The following CHRM2 variants were observed in gnomAD, a reference collection of about 807,000 sequenced individuals.
CHRM2 encodes the protein cholinergic receptor muscarinic 2.
CHRM2 carries 8 observed loss-of-function variants against 25.0 expected under a neutral mutation model. The ratio of observed to expected loss-of-function variants is 0.32; its 90% CI spans 0.19 to 0.58. CHRM2 has a LOEUF of 0.58. CHRM2 is among the 20% of genes least tolerant of loss of function. CHRM2 has a pLI of 0.88. For missense variants in CHRM2, 440 were observed against 567.1 expected, an observed-to-expected ratio of 0.78 and a Z score of 2.28; for synonymous variants, 202 against 205.7, an observed-to-expected ratio of 0.98 and a Z score of 0.15.
chr7:136,983,534 GC>G (rs1584874814), intron 2 of CHRM2, among the ~76,000 whole-genome samples: 2 of 152,164 alleles, frequency 1.3e-5, no homozygotes, highest in African/African-American at 4.8e-5. Context: ...GGAATGTTCA[GC>G]CTTTTTGCAC....
intron 2 of CHRM2, among the ~76,000 whole-genome samples, chr7:136,983,706 C>T (rs324621): frequency 0.022 from 3,360 of 152,226 alleles, 124 homozygotes; most frequent in African/African-American, 0.077. Flanking sequence ...TCTGCATGTC[C>T]GCTGGAGTTT....
chr7:136,991,106 G>A (rs1475694312), intron 2 of CHRM2, among the ~76,000 whole-genome samples: 1 of 152,032 alleles, frequency 6.6e-6, no homozygotes, highest in Non-Finnish European at 1.5e-5. Flanking sequence ...TCTTCACATT[G>A]TCATTCACAG....
chr7:136,896,117 C>T (rs1168279271), intron 2 of CHRM2, among the ~76,000 whole-genome samples: 1 of 151,700 alleles, frequency 6.6e-6, no homozygotes, highest in Admixed American at 6.6e-5. Flanking sequence ...ACTTTTTTTT[C>T]TAAAAGAAAA....
chr7:136,948,149 G>A (rs927371398), intron 2 of CHRM2, among the ~76,000 whole-genome samples: 4 of 152,056 alleles, frequency 2.6e-5, no homozygotes, highest in Non-Finnish European at 4.4e-5. Flanking sequence ...AAGAGCCAGT[G>A]GCCCACATCC....
intron 2 of CHRM2, among the ~76,000 whole-genome samples, chr7:136,991,795 T>C (rs1349533132): frequency 6.6e-6 from 1 of 152,154 alleles, no homozygotes; most frequent in Non-Finnish European, 1.5e-5. Context: ...ACTTAGCAAA[T>C]ATACTCTTTG....
chr7:137,015,056 G>A lies in CHRM2; in HGVS notation c.191G>A (p.Ser64Asn). 6.2e-7 allele frequency: 1 copy of A among 1,613,342 alleles called. No homozygotes were observed. Among genetic ancestry groups the A allele is most frequent in the Non-Finnish European group, 8.5e-7 (1 of 1,179,588 alleles). The change falls in exon 4 of 4, where the codon AGC becomes AAC. Residue 64 changes from serine (S) to asparagine (N), a missense_variant. Coordinates refer to ENST00000680005, the MANE Select transcript of CHRM2 (RefSeq NM_001006630.2). This position sits in a 1 kb window ranked among gnomAD's most constrained non-coding sequence, Gnocchi z 5.1. ...ACCGTCAACAATTACTTTTTATTCA[G>A]CTTGGCCTGTGCTGACCTTATCATA... Reference protein sequence around the residue: ...LQTVNNYFLFSLACADLIIGV... With the variant: ...LQTVNNYFLFNLACADLIIGV...
At chr7:136,915,207 G>A (rs1219216813) in intron 2 of CHRM2, among the ~76,000 whole-genome samples, 1 of 151,742 alleles carries the variant, frequency 6.6e-6, no homozygotes, top group African/African-American at 2.4e-5. Flanking sequence ...ATACTTAAGG[G>A]AAAGGCAACT....
chr7:137,009,706 T>C (rs1804679272), intron 3 of CHRM2, among the ~76,000 whole-genome samples: 1 of 152,068 alleles, frequency 6.6e-6, no homozygotes, highest in Admixed American at 6.6e-5. Context: ...AGTAGCTTAA[T>C]TATTTGATAT....
At chr7:136,951,256 C>T (rs907998785) in intron 2 of CHRM2, among the ~76,000 whole-genome samples, 1 of 152,106 alleles carries the variant, frequency 6.6e-6, no homozygotes, top group Non-Finnish European at 1.5e-5. Flanking sequence ...ACATGGATGA[C>T]AAAGAAACCC....
chr7:136,935,102 C>T (rs1799334930), intron 2 of CHRM2, among the ~76,000 whole-genome samples: 1 of 152,016 alleles, frequency 6.6e-6, no homozygotes. Flanking sequence ...TTAAAATAAA[C>T]AAAGTCTAAA....
In CHRM2 at chr7:136,961,289, G is replaced by A. The variant is rs141664652; in HGVS notation, c.-124-30898G>A. On this transcript the variant is annotated intron_variant, in intron 2 of 3. Transcript: ENST00000680005. ...TCTGTTTTAGGTGATTTTGCCACTG[G>A]AAGCTAATAATGTAAGTGTTCTGGG... Among the ~76,000 whole-genome samples the A allele has an allele frequency of 3.4e-4, 52 of 152,206 alleles. No individual in the cohort carries two copies. The East Asian group carries it at 9.5e-3, about 28-fold the overall frequency.
At chr7:136,992,433 T>C (rs1351769783) in intron 3 of CHRM2, among the ~76,000 whole-genome samples, 169 bp downstream of exon 3, 1 of 152,290 alleles carries the variant, frequency 6.6e-6, no homozygotes, top group East Asian at 1.9e-4. Context: ...TTAGGATATT[T>C]CTATTAACTT....
chr7:136,922,887 C>T (rs1172621777), intron 2 of CHRM2, among the ~76,000 whole-genome samples: 1 of 152,084 alleles, frequency 6.6e-6, no homozygotes, highest in African/African-American at 2.4e-5. Context: ...GGAAAATACA[C>T]TTTACAAAGG....
chr7:136,878,155 T>A (rs1229447028), intron 2 of CHRM2, among the ~76,000 whole-genome samples: 1 of 151,988 alleles, frequency 6.6e-6, no homozygotes, highest in African/African-American at 2.4e-5. Context: ...AAAATTCTAC[T>A]TAATTGTGTT....
intron 2 of CHRM2, among the ~76,000 whole-genome samples, chr7:136,939,158 G>A (rs1339075301): frequency 6.6e-6 from 1 of 152,076 alleles, no homozygotes; most frequent in African/African-American, 2.4e-5. Context: ...GTAGCAGAAG[G>A]GAAACTGCCA....
chr7:136,949,622 T>G (rs1370048578), intron 2 of CHRM2, among the ~76,000 whole-genome samples: 3 of 152,088 alleles, frequency 2.0e-5, no homozygotes, highest in Non-Finnish European at 2.9e-5. Context: ...AACAAGATCC[T>G]GTATTGAAAA....
intron 2 of CHRM2, among the ~76,000 whole-genome samples, chr7:136,944,645 C>T (rs1266238899): frequency 2.0e-5 from 3 of 152,040 alleles, no homozygotes; most frequent in African/African-American, 7.2e-5. Flanking sequence ...CATGTGCAAG[C>T]ATCTTTTTCA....
At chr7:137,004,126 A>C (rs954696927) in intron 3 of CHRM2, among the ~76,000 whole-genome samples, 4 of 152,174 alleles carry the variant, frequency 2.6e-5, no homozygotes, top group Admixed American at 2.6e-4. Flanking sequence ...TAGAAGATTT[A>C]TGAACAAGTC....
chr7:136,909,035 T>G (rs1464153466), intron 2 of CHRM2, among the ~76,000 whole-genome samples: 1 of 151,932 alleles, frequency 6.6e-6, no homozygotes, highest in African/African-American at 2.4e-5. Context: ...GAGTCTTTGC[T>G]GTGATTTTAT....
Sources: allele counts gnomAD v4.1 joint callset (sites outside exome capture counted in the v4.1 genomes callset), GRCh38; gene constraint gnomAD v4.1.1; non-coding constraint Gnocchi (gnomAD v3.1); transcripts MANE v1.5; gene names NCBI Gene and HGNC (gene_info 2026-07-23, HGNC 2026-07-21).